The following KAZN variants were observed in gnomAD, a reference collection of about 807,000 sequenced individuals.
The protein encoded by KAZN is kazrin, periplakin interacting protein, also known as kazrin.
Under a neutral mutation model 87.4 loss-of-function variants are expected in KAZN, and 40 were observed. The observed-to-expected ratio is 0.46, with a 90% CI of 0.36 to 0.60. KAZN has a LOEUF of 0.60. Ranked by LOEUF, KAZN falls within the 20% of genes least tolerant of loss-of-function variation. The pLI is 0.00. For missense variants in KAZN, 898 were observed against 1,073.9 expected (o/e 0.84, Z 2.29); for synonymous variants, 466 against 458.3 (o/e 1.02, Z -0.22).
chr1:14,128,990 A>G (rs1375124161), intron 1 of KAZN, among the ~76,000 whole-genome samples: 2 of 152,220 alleles, frequency 1.3e-5, no homozygotes, highest in African/African-American at 4.8e-5. Context: ...ACATAAGCCT[A>G]GCAGGTAATA....
chr1:14,040,689 C>T (rs1570592364), intron 1 of KAZN, among the ~76,000 whole-genome samples: 1 of 151,584 alleles, frequency 6.6e-6, no homozygotes, highest in Middle Eastern at 3.4e-3. Flanking sequence ...CACTTGAACT[C>T]GGGAGGCGGA....
intron 1 of KAZN, among the ~76,000 whole-genome samples, chr1:14,931,968 T>G (rs754575526): frequency 9.2e-5 from 14 of 152,106 alleles, no homozygotes; most frequent in Non-Finnish European, 1.8e-4. Flanking sequence ...CACGTGCCTT[T>G]CTCAGTCTTG....
intron 1 of KAZN, among the ~76,000 whole-genome samples, chr1:13,925,858 G>T (rs768033569): frequency 2.0e-5 from 3 of 152,144 alleles, no homozygotes; most frequent in Admixed American, 6.6e-5. Flanking sequence ...ATAGAGTTGG[G>T]ATCCATTTCA....
At chr1:14,871,931 C>T (rs1324904108) in intron 1 of KAZN, among the ~76,000 whole-genome samples, 1 of 151,990 alleles carries the variant, frequency 6.6e-6, no homozygotes, top group Non-Finnish European at 1.5e-5. Context: ...ATCAGGAGCT[C>T]AGTCTGGAGC....
intron 2 of KAZN, among the ~76,000 whole-genome samples, chr1:15,008,574 C>A (rs943584350): frequency 1.3e-5 from 2 of 152,226 alleles, no homozygotes; most frequent in African/African-American, 4.8e-5. Context: ...TCATGTGACC[C>A]TTTAAACCCC....
chr1:14,265,338 C>T (rs1040736136), intron 2 of KAZN, among the ~76,000 whole-genome samples: 1 of 152,160 alleles, frequency 6.6e-6, no homozygotes, highest in Non-Finnish European at 1.5e-5. Flanking sequence ...TAGTTTGGTT[C>T]TATGGAAAAG....
At chr1:14,413,996 A>T (rs933203229) in intron 2 of KAZN, among the ~76,000 whole-genome samples, 2 of 152,240 alleles carry the variant, frequency 1.3e-5, no homozygotes, top group African/African-American at 4.8e-5. Flanking sequence ...AGATCTTTTC[A>T]TTCCGATCAT....
At position 14,837,550 on chromosome 1, in the gene KAZN, A is replaced by ATTTTT. The variant is rs1164233693; in HGVS notation, c.227-123118_227-123114dup. Among the ~76,000 whole-genome samples, 93 of 117,682 alleles carry ATTTTT rather than the reference A, an allele frequency of 7.9e-4. 1 individual carries two copies. Among genetic ancestry groups the ATTTTT allele is most frequent in the African/African-American group, 1.7e-3 (53 of 30,924 alleles). 77.2% of individuals were successfully genotyped at this position (117,682 alleles called of 152,430 possible). A position where few individuals can be genotyped will look rare whatever the true frequency, so the allele number is the denominator to read the frequency against. On this transcript the variant is annotated intron_variant, in intron 1 of 14. Coordinates refer to ENST00000376030, the MANE Select transcript of KAZN (RefSeq NM_201628.3). The stretch of plus-strand genomic sequence containing the variant: ...GTTCATTCATTCCCATAGCTGTATA[A>ATTTTT]TTTTTTTTTTTTTTTTTTTTGAGAC...
chr1:15,036,509 G>A (rs1447519477), intron 3 of KAZN, among the ~76,000 whole-genome samples: 4 of 151,838 alleles, frequency 2.6e-5, no homozygotes, highest in Non-Finnish European at 4.4e-5. Flanking sequence ...GGAAGGGGAC[G>A]ACCCAGAAGC....
chr1:14,175,350 A>G (rs978223005), intron 1 of KAZN, among the ~76,000 whole-genome samples: 5 of 152,054 alleles, frequency 3.3e-5, no homozygotes, highest in Admixed American at 6.6e-5. Flanking sequence ...TGATCCGCCC[A>G]CCTCGGCCTC....
chr1:13,912,179 C>A (rs942238134), intron 1 of KAZN, among the ~76,000 whole-genome samples: 5 of 152,144 alleles, frequency 3.3e-5, no homozygotes, highest in African/African-American at 1.2e-4. Flanking sequence ...GCCCTGGGCA[C>A]CCCCTTTACC....
intron 2 of KAZN, among the ~76,000 whole-genome samples, chr1:14,191,651 T>A (rs2100362258): frequency 6.6e-6 from 1 of 152,236 alleles, no homozygotes; most frequent in Admixed American, 6.5e-5. Context: ...ACAGCAGACA[T>A]CAGCAAACCC....
At chr1:14,180,463 C>T in exon 2 of KAZN, 1 of 1,550,290 alleles carries the variant, frequency 6.5e-7, no homozygotes, top group Non-Finnish European at 8.7e-7. Flanking sequence ...CCCTCAATGA[C>T]CAGATTTCCC....
chr1:14,497,675 T>C (rs1449544037), intron 2 of KAZN, among the ~76,000 whole-genome samples: 1 of 152,210 alleles, frequency 6.6e-6, no homozygotes, highest in Admixed American at 6.5e-5. Context: ...TGAAGATATA[T>C]ACTTGGAGAA....
intron 1 of KAZN, among the ~76,000 whole-genome samples, chr1:13,907,289 G>A (rs1557712532): frequency 6.6e-6 from 1 of 152,186 alleles, no homozygotes; most frequent in South Asian, 2.1e-4. Context: ...CCAGTATTAG[G>A]GATCAGTTGG....
intron 1 of KAZN, among the ~76,000 whole-genome samples, chr1:14,858,337 C>T (rs188919344): frequency 4.6e-5 from 7 of 151,664 alleles, no homozygotes; most frequent in Admixed American, 2.0e-4. Context: ...CTCAGCCTCC[C>T]GAGTAGCTGG....
chr1:14,311,535 C>T (rs1284657335), intron 2 of KAZN, among the ~76,000 whole-genome samples: 1 of 152,096 alleles, frequency 6.6e-6, no homozygotes, highest in African/African-American at 2.4e-5. Context: ...AGGACGGCAT[C>T]GTGGAGACCA....
intron 1 of KAZN, among the ~76,000 whole-genome samples, chr1:14,678,707 T>C (rs1225261796): frequency 6.6e-6 from 1 of 152,168 alleles, no homozygotes; most frequent in Non-Finnish European, 1.5e-5. Context: ...TTACTACAGA[T>C]GGTGTTAAAC....
At chr1:14,840,450 C>T (rs1275856428) in intron 1 of KAZN, among the ~76,000 whole-genome samples, 1 of 152,216 alleles carries the variant, frequency 6.6e-6, no homozygotes, top group Non-Finnish European at 1.5e-5. Context: ...ATTTCGCAAG[C>T]ACATTAAATA....
Sources: gnomAD v4.1 joint callset for allele counts (sites outside exome capture counted in the v4.1 genomes callset) on GRCh38, gnomAD v4.1.1 for gene constraint, MANE v1.5 for transcripts, NCBI Gene and HGNC (gene_info 2026-07-23, HGNC 2026-07-21) for gene names.